DEAF1: variants seen among roughly 807,000 people sequenced by gnomAD.
The protein encoded by DEAF1 is deformed epidermal autoregulatory factor 1 homolog.
DEAF1 carries 53 observed loss-of-function variants against 58.9 expected under a neutral mutation model. That is an observed-to-expected ratio of 0.90 (90% CI 0.72 to 1.13). The LOEUF (loss-of-function observed/expected upper bound fraction) is 1.13, where lower values mean the gene tolerates loss of function less well. Ranked by LOEUF, DEAF1 falls within the 50% of genes most tolerant of loss-of-function variation. The probability of loss-of-function intolerance (pLI) is 0.00; values close to 1 mark genes in which losing one functional copy is unlikely to be tolerated. For synonymous variants in DEAF1, 385 were observed against 340.4 expected, an observed-to-expected ratio of 1.13 and a Z score of -1.44; for missense variants, 685 against 791.4, an observed-to-expected ratio of 0.87 and a Z score of 1.61.
chr11:671,846 AAAAGAAACAC>A (rs1237261836), intron 10 of DEAF1, among the ~76,000 whole-genome samples: 1 of 137,046 alleles, frequency 7.3e-6, no homozygotes, highest in East Asian at 2.3e-4. Context: ...AAAAAAAAAA[AAAAGAAACAC>A]AAAAAACACT....
At chr11:676,335 TC>T (rs67088032) in intron 9 of DEAF1, among the ~76,000 whole-genome samples, 6,317 of 12,298 alleles carry the variant, frequency 0.51, 1,585 homozygotes, top group East Asian at 0.84. Context: ...GCACCCGACA[TC>T]CCCCCAGCAC....
intron 10 of DEAF1, among the ~76,000 whole-genome samples, chr11:666,873 C>CAAAAAAAAAAAAAA (rs532628897): frequency 2.1e-3 from 126 of 60,032 alleles, no homozygotes; most frequent in Non-Finnish European, 2.3e-3. Flanking sequence ...ACTCTGTCTC[C>CAAAAAAAAAAAAAA]AAAAAAAAAA....
chr11:654,368 T>C (rs1438653298), intron 10 of DEAF1, among the ~76,000 whole-genome samples: 1 of 150,908 alleles, frequency 6.6e-6, no homozygotes, highest in Non-Finnish European at 1.5e-5. Context: ...GGTTTCACCA[T>C]GTTGGTCAGG....
At chr11:648,686 T>C (rs1327742135) in intron 11 of DEAF1, among the ~76,000 whole-genome samples, 2 of 152,170 alleles carry the variant, frequency 1.3e-5, no homozygotes, top group East Asian at 3.8e-4. Context: ...GCCTCTGCAG[T>C]ACACTTTCCC....
rs1861057949 is a variant in DEAF1 at position 695,006 on chromosome 11, A to G, written c.42T>C (p.Ala14=). ...CCGCGGCCGCCACCGCCGCCGCCTC[A>G]GCCAGGCCCAGCTGCTTTGCCGCCG... ...SDSAAKQLGL[A]EAAAVAAAAA... The change falls in exon 1 of 12, where the codon GCT becomes GCC. Residue 14 remains alanine (A), a synonymous_variant. Transcript: ENST00000382409. 2.4e-6 allele frequency: 3 copies of G among 1,276,448 alleles called. No homozygotes were observed. The highest frequency in any genetic ancestry group is 2.0e-6 in the Non-Finnish European group (2 of 1,009,758). The allele number at this position is 1,276,448 out of a possible 1,614,324, so 79.1% of individuals were successfully genotyped here.
chr11:680,889 T>TG, intron 7 of DEAF1, 74 bp downstream of exon 7: 2 of 1,596,002 alleles, frequency 1.3e-6, no homozygotes, highest in Non-Finnish European at 1.7e-6. Context: ...GCAGTGGCCG[T>TG]GGGAGTGGTG....
intron 10 of DEAF1, among the ~76,000 whole-genome samples, chr11:663,544 G>A (rs1242064870): frequency 1.3e-5 from 2 of 151,830 alleles, no homozygotes; most frequent in Admixed American, 6.6e-5. Flanking sequence ...CCAGGCTTTT[G>A]GCCTTTCCTC....
chr11:659,487 T>C (rs1400257698), intron 10 of DEAF1, among the ~76,000 whole-genome samples: 1 of 152,178 alleles, frequency 6.6e-6, no homozygotes, highest in African/African-American at 2.4e-5. Flanking sequence ...TCGTGTATCT[T>C]ACAAGGAGTG....
At chr11:669,738 T>TGA (rs1859723229) in intron 10 of DEAF1, among the ~76,000 whole-genome samples, 1 of 151,734 alleles carries the variant, frequency 6.6e-6, no homozygotes, top group African/African-American at 2.4e-5. Context: ...AAGACCAGCC[T>TGA]GACAAACATG....
chr11:678,490 AC>A (rs1860182197), intron 9 of DEAF1: 4 of 686,136 alleles, frequency 5.8e-6, no homozygotes, highest in Non-Finnish European at 9.7e-6. Context: ...TCCACAGCAC[AC>A]ACATGAATGG....
At chr11:672,190 G>T (rs139885777) in intron 10 of DEAF1, among the ~76,000 whole-genome samples, 1 of 152,198 alleles carries the variant, frequency 6.6e-6, no homozygotes, top group Non-Finnish European at 1.5e-5. Context: ...TGTTTGTTAT[G>T]TGCTTGTCTG....
chr11:684,803 G>T, intron 6 of DEAF1, 95 bp downstream of exon 6: 1 of 1,070,584 alleles, frequency 9.3e-7, no homozygotes, highest in Non-Finnish European at 1.4e-6. Context: ...GCAGAGGGCA[G>T]GAGGGAAACA....
At chr11:674,110 T>C (rs1308641739) in intron 10 of DEAF1, 7 of 286,152 alleles carry the variant, frequency 2.4e-5, no homozygotes, top group Non-Finnish European at 3.4e-5. Context: ...TGACAGCAGA[T>C]GGACGGAGCT....
At chr11:696,401 T>C (rs981272837), upstream of DEAF1, among the ~76,000 whole-genome samples, 1 of 152,154 alleles carries the variant, frequency 6.6e-6, no homozygotes, top group Non-Finnish European at 1.5e-5. Context: ...AGGTGCATTG[T>C]TTTGAAGGAA....
rs1386983892 is a variant in DEAF1 at position 670,774 on chromosome 11, TTTG to T, written c.1503+3759_1503+3761del. 1.6e-3 allele frequency among the ~76,000 whole-genome samples: 118 copies of T among 72,212 alleles called. 10 individuals are homozygous for T. Among genetic ancestry groups the T allele is most frequent in the East Asian group, 6.5e-3 (7 of 1,072 alleles). The allele number at this position is 72,212 out of a possible 152,430, so 47.4% of individuals were successfully genotyped here. On this transcript the variant is annotated intron_variant, in intron 10 of 11. Transcript: ENST00000382409. Reference sequence around the variant, plus strand: ...TTTTAATTTCTTTTTTCTTTTTGTTTTTGTTTTTTTTTTTTTTTTTTGAGACGA... The same window carrying T: ...TTTTAATTTCTTTTTTCTTTTTGTTTTTTTTTTTTTTTTTTTTTGAGACGA...
intron 6 of DEAF1, among the ~76,000 whole-genome samples, chr11:681,295 C>T (rs901171628): frequency 1.4e-4 from 22 of 152,124 alleles, no homozygotes; most frequent in Non-Finnish European, 2.5e-4. Context: ...AGTGCAGTGG[C>T]GCCATCTTGG....
chr11:688,143 G>A lies in DEAF1; in HGVS notation c.518-86C>T, dbSNP rs933020768. 6 of 1,587,284 alleles carry A rather than the reference G, an allele frequency of 3.8e-6. No individual in the cohort carries two copies. The highest frequency in any genetic ancestry group is 1.7e-5 in the Admixed American group (1 of 58,104). Reference sequence around the variant, plus strand: ...CATCTCAGACACCACCTCCCCGGCAGCGCCACCTCCTTCAACGGCGGAAAA... The same window carrying A: ...CATCTCAGACACCACCTCCCCGGCAACGCCACCTCCTTCAACGGCGGAAAA... On this transcript the variant is annotated intron_variant, in intron 3 of 11. Transcript: ENST00000382409. The surrounding 1 kb of genome is among the most constrained non-coding windows in gnomAD (Gnocchi z 4.3).
Position 704,170 on chromosome 11 carries a change from TCTC to T in DEAF1, c.-438+2399_-438+2401del, listed in dbSNP as rs1310192358. 3.6e-5 allele frequency: 39 copies of T among 1,091,088 alleles called. No individual in the cohort carries two copies. In the Middle Eastern group the frequency reaches 1.3e-3, roughly 35 times the overall value. 67.6% of individuals were successfully genotyped at this position (1,091,088 alleles called of 1,614,324 possible). On this transcript the variant is annotated intron_variant, in intron 1 of 11. Transcript: ENST00000683307. Reference sequence around the variant, plus strand: ...CCACCTCCCCCACCCCATCTCCAGTTCTCCTGCCCTGCAAGAGAGCACACCCCA... The same window carrying T: ...CCACCTCCCCCACCCCATCTCCAGTTCTGCCCTGCAAGAGAGCACACCCCA...
At chr11:692,231 C>T (rs918669326) in intron 1 of DEAF1, 18 of 173,384 alleles carry the variant, frequency 1.0e-4, no homozygotes, top group African/African-American at 4.3e-4. Context: ...TCAGCAGCAT[C>T]TGCACACAGG....
Sources: allele counts gnomAD v4.1 joint callset (sites outside exome capture counted in the v4.1 genomes callset), GRCh38; gene constraint gnomAD v4.1.1; non-coding constraint Gnocchi (gnomAD v3.1); transcripts MANE v1.5; gene names NCBI Gene and HGNC (gene_info 2026-07-23, HGNC 2026-07-21).